Variants in PPARA observed in about 807,000 individuals in gnomAD.
PPARA encodes peroxisome proliferator activated receptor alpha.
Under a neutral mutation model 42.2 loss-of-function variants are expected in PPARA, and 22 were observed. The observed-to-expected ratio is 0.52, with a 90% CI of 0.37 to 0.74. PPARA has a LOEUF of 0.74. Among genes scored for constraint, PPARA ranks in the 30% least tolerant of loss-of-function variants. PPARA has a pLI of 0.00. For synonymous variants in PPARA, 242 were observed against 239.3 expected, an observed-to-expected ratio of 1.01 and a Z score of -0.10; for missense variants, 465 against 608.2, an observed-to-expected ratio of 0.76 and a Z score of 2.48.
chr22:46,206,319 GT>G (rs1312033772), intron 4 of PPARA, among the ~76,000 whole-genome samples: 1 of 152,150 alleles, frequency 6.6e-6, no homozygotes, highest in Non-Finnish European at 1.5e-5. Flanking sequence ...GTTTCACTAT[GT>G]TGGTCAGGCT....
In PPARA at chr22:46,156,346, C is replaced by T. The variant is rs1481678739; in HGVS notation, c.-127+4376C>T. On this transcript the variant is annotated intron_variant, in intron 2 of 8. Coordinates refer to ENST00000407236, the MANE Select transcript of PPARA (RefSeq NM_005036.6). This position sits in a 1 kb window ranked among gnomAD's most constrained non-coding sequence, Gnocchi z 5.2. The stretch of plus-strand genomic sequence containing the variant: ...CACCTCTCTGAAGGGCTGTGAAGCT[C>T]GAAGTGGCAGCTTAAAAAACTGCCC... 6.6e-6 allele frequency: 1 copy of T among 152,120 alleles called. No homozygotes were observed. Among genetic ancestry groups the T allele is most frequent in the Admixed American group, 6.6e-5 (1 of 15,266 alleles). 9.4% of individuals were successfully genotyped at this position (152,120 alleles called of 1,614,324 possible). A position where few individuals can be genotyped will look rare whatever the true frequency, so the allele number is the denominator to read the frequency against.
At chr22:46,174,598 CCT>C (rs1201695403) in intron 2 of PPARA, among the ~76,000 whole-genome samples, 23 of 152,140 alleles carry the variant, frequency 1.5e-4, no homozygotes, top group African/African-American at 5.5e-4. Flanking sequence ...GGGAGGATCA[CCT>C]GAGCTCAGGA....
At chr22:46,155,186 C>T (rs1183425208) in intron 2 of PPARA, 2 of 151,772 alleles carry the variant, frequency 1.3e-5, no homozygotes, top group Non-Finnish European at 1.5e-5. Flanking sequence ...CAGTGTTTTT[C>T]TTTAATGTTT....
At position 46,154,609 on chromosome 22, in the gene PPARA, C is replaced by T. The variant is rs910767984; in HGVS notation, c.-127+2639C>T. ...TCCAGCCTGGGTGACAGAGTGAGAC[C>T]TGGTCTCAAAAAATAAATAAATATT... On this transcript the variant is annotated intron_variant, in intron 2 of 8. Coordinates refer to ENST00000407236, the MANE Select transcript of PPARA (RefSeq NM_005036.6). Among the ~76,000 whole-genome samples, 14 of 152,120 alleles carry T rather than the reference C, an allele frequency of 9.2e-5. No individual in the cohort carries two copies. In the East Asian group the frequency reaches 2.3e-3, roughly 25 times the overall value.
Position 46,219,708 on chromosome 22 carries a change from A to T in PPARA, c.509-104A>T. ...AAGGATGGGTCTGAACTGCCTGTGAATTTTCATTCCTGGTTTAAAGTCCTG... is the reference window on the plus strand; with the variant it reads ...AAGGATGGGTCTGAACTGCCTGTGATTTTTCATTCCTGGTTTAAAGTCCTG... On this transcript the variant is annotated intron_variant, in intron 6 of 8. Coordinates refer to ENST00000407236, the MANE Select transcript of PPARA (RefSeq NM_005036.6). This position sits in a 1 kb window ranked among gnomAD's most constrained non-coding sequence, Gnocchi z 4.8. The T allele has an allele frequency of 8.4e-7, 1 of 1,186,074 alleles. No individual in the cohort carries two copies. The highest frequency in any genetic ancestry group is 1.3e-5 in the South Asian group (1 of 79,862). The allele number at this position is 1,186,074 out of a possible 1,614,324, so 73.5% of individuals were successfully genotyped here.
chr22:46,168,284 G>A (rs4253646), intron 2 of PPARA, among the ~76,000 whole-genome samples: 4,903 of 142,616 alleles, frequency 0.034, 293 homozygotes, highest in African/African-American at 0.12. Context: ...CCTGGGAGGC[G>A]GAGCTTGCAG....
rs1358154556 is a variant in PPARA at position 46,216,820 on chromosome 22, G to A, written c.370-1443G>A. Among the ~76,000 whole-genome samples the A allele has an allele frequency of 6.6e-6, 1 of 152,236 alleles. No homozygotes were observed. Among genetic ancestry groups the A allele is most frequent in the African/African-American group, 2.4e-5 (1 of 41,466 alleles). On this transcript the variant is annotated intron_variant, in intron 5 of 8. Transcript: ENST00000407236. This position sits in a 1 kb window ranked among gnomAD's most constrained non-coding sequence, Gnocchi z 4.5. ...CTTCCGTGTTTGTCAGCGTGGTGAT[G>A]AGGAGAGCTCCTGTAGCAGCGTCCC...
At position 46,167,197 on chromosome 22, in the gene PPARA, C is replaced by T. The variant is rs1420413923; in HGVS notation, c.-126-9556C>T. 6.6e-6 allele frequency among the ~76,000 whole-genome samples: 1 copy of T among 151,738 alleles called. No individual in the cohort carries two copies. The highest frequency in any genetic ancestry group is 6.6e-5 in the Admixed American group (1 of 15,190). ...TAGCCATATGCAAAAGAACCTCAAC[C>T]TTCAGCTCACAGCACTACAAACTCA... On this transcript the variant is annotated intron_variant, in intron 2 of 8. Transcript: ENST00000407236. This position sits in a 1 kb window ranked among gnomAD's most constrained non-coding sequence, Gnocchi z 4.1.
At position 46,227,660 on chromosome 22, in the gene PPARA, G is replaced by A. The variant is rs1935563553; in HGVS notation, c.712-4132G>A. Among the ~76,000 whole-genome samples, 1 of 152,234 alleles carries A rather than the reference G, an allele frequency of 6.6e-6. No individual in the cohort carries two copies. On this transcript the variant is annotated intron_variant, in intron 7 of 8. Coordinates refer to ENST00000407236, the MANE Select transcript of PPARA (RefSeq NM_005036.6). This position sits in a 1 kb window ranked among gnomAD's most constrained non-coding sequence, Gnocchi z 4.3. Reference sequence around the variant, plus strand: ...ATGAGTGTGTGCCGGGACCAGTGTGGCAGCAAGCGGGGCGTTCTGCTCTCG... The same window carrying A: ...ATGAGTGTGTGCCGGGACCAGTGTGACAGCAAGCGGGGCGTTCTGCTCTCG...
At chr22:46,153,173 T>TTTTTTTTTTTTTTTTC in intron 2 of PPARA, among the ~76,000 whole-genome samples, 1 of 147,788 alleles carries the variant, frequency 6.8e-6, no homozygotes, top group African/African-American at 2.5e-5. Flanking sequence ...CTTTTTTTTT[T>TTTTTTTTTTTTTTTTC]TTTTTTTTTT....
Position 46,200,233 on chromosome 22 carries a change from T to C in PPARA, c.208+1642T>C, listed in dbSNP as rs367774484. Among the ~76,000 whole-genome samples, 25 of 152,372 alleles carry C rather than the reference T, an allele frequency of 1.6e-4. No individual in the cohort carries two copies. Among genetic ancestry groups the C allele is most frequent in the African/African-American group, 6.0e-4 (25 of 41,598 alleles). On this transcript the variant is annotated intron_variant, in intron 4 of 8. Transcript: ENST00000407236. This position sits in a 1 kb window ranked among gnomAD's most constrained non-coding sequence, Gnocchi z 4.8. ...CAGTGTGATAAACCTGGGTGGTGTG[T>C]ACATGGGTATTACAGTCATGTTGCT...
chr22:46,203,307 G>A lies in PPARA; in HGVS notation c.208+4716G>A, dbSNP rs1273229252. 5.3e-5 allele frequency among the ~76,000 whole-genome samples: 8 copies of A among 152,064 alleles called. No individual in the cohort carries two copies. The highest frequency in any genetic ancestry group is 7.3e-5 in the Non-Finnish European group (5 of 68,030). On this transcript the variant is annotated intron_variant, in intron 4 of 8. Coordinates refer to ENST00000407236, the MANE Select transcript of PPARA (RefSeq NM_005036.6). The surrounding 1 kb of genome is among the most constrained non-coding windows in gnomAD (Gnocchi z 5.8). ...TGTAGACTGGTCTCTCAGAAGAGCC[G>A]GATATTAAATGCAGTACTTTAAACT...
At position 46,221,177 on chromosome 22, in the gene PPARA, C is replaced by G. The variant is rs1330581930; in HGVS notation, c.711+1163C>G. 6.6e-6 allele frequency among the ~76,000 whole-genome samples: 1 copy of G among 152,132 alleles called. No individual in the cohort carries two copies. The highest frequency in any genetic ancestry group is 2.4e-5 in the African/African-American group (1 of 41,420). ...CAGGAGCAAAAACAAGAGACACACA[C>G]TTTTCACCCATCAGATCTTGTGAGA... is the stretch of plus-strand genomic sequence containing the variant. On this transcript the variant is annotated intron_variant, in intron 7 of 8. Coordinates refer to ENST00000407236, the MANE Select transcript of PPARA (RefSeq NM_005036.6). This position sits in a 1 kb window ranked among gnomAD's most constrained non-coding sequence, Gnocchi z 5.9.
chr22:46,163,504 G>T lies in PPARA; in HGVS notation c.-127+11534G>T, dbSNP rs1264544214. ...CCCTCATGCTCACGATTTCACCACAGTCACATAAGCGGGAAGAGCAGGCTC... is the reference window on the plus strand; with the variant it reads ...CCCTCATGCTCACGATTTCACCACATTCACATAAGCGGGAAGAGCAGGCTC... On this transcript the variant is annotated intron_variant, in intron 2 of 8. Transcript: ENST00000407236. This position sits in a 1 kb window ranked among gnomAD's most constrained non-coding sequence, Gnocchi z 4.9. 2 of 152,250 alleles carry T rather than the reference G, an allele frequency of 1.3e-5. No individual in the cohort carries two copies. Among genetic ancestry groups the T allele is most frequent in the Admixed American group, 6.5e-5 (1 of 15,282 alleles). 9.4% of individuals were successfully genotyped at this position (152,250 alleles called of 1,614,324 possible).
intron 2 of PPARA, among the ~76,000 whole-genome samples, chr22:46,166,324 G>A (rs974990236): frequency 6.6e-6 from 1 of 152,022 alleles, no homozygotes; most frequent in African/African-American, 2.4e-5. Context: ...TTTTGTAAAA[G>A]TGGATACATC....
intron 2 of PPARA, among the ~76,000 whole-genome samples, chr22:46,159,414 T>C (rs1275975988): frequency 3.3e-5 from 5 of 152,138 alleles, no homozygotes; most frequent in African/African-American, 4.8e-5. Flanking sequence ...GATTGTCGTT[T>C]TTTTCCCCCC....
intron 4 of PPARA, among the ~76,000 whole-genome samples, chr22:46,205,369 A>G (rs1933128797): frequency 6.7e-6 from 1 of 149,952 alleles, no homozygotes; most frequent in South Asian, 2.1e-4. Flanking sequence ...GGTACCTGCC[A>G]CCATGCCCGG....
chr22:46,214,297 G>A (rs1051651043), intron 4 of PPARA, among the ~76,000 whole-genome samples: 1 of 151,916 alleles, frequency 6.6e-6, no homozygotes, highest in African/African-American at 2.4e-5. Context: ...GTGCGGGCCC[G>A]AGATGTGCGG....
At chr22:46,197,833 G>A (rs1932463206) in intron 3 of PPARA, among the ~76,000 whole-genome samples, 3 of 151,864 alleles carry the variant, frequency 2.0e-5, no homozygotes, top group Non-Finnish European at 4.4e-5. Flanking sequence ...GAACCCGGGA[G>A]GTGGAGGTTG....
Sources: allele counts gnomAD v4.1 joint callset (sites outside exome capture counted in the v4.1 genomes callset), GRCh38; gene constraint gnomAD v4.1.1; non-coding constraint Gnocchi (gnomAD v3.1); transcripts MANE v1.5; gene names NCBI Gene and HGNC (gene_info 2026-07-23, HGNC 2026-07-21).